Variants in WDFY3 observed in about 807,000 individuals in gnomAD.
WDFY3 encodes the protein WD repeat and FYVE domain-containing protein 3.
Under a neutral mutation model 409.6 loss-of-function variants are expected in WDFY3, and 66 were observed. That is an observed-to-expected ratio of 0.16 (90% CI 0.13 to 0.20). The LOEUF is 0.20. Among genes scored for constraint, WDFY3 ranks in the 10% least tolerant of loss-of-function variants. The pLI is 1.00. For missense variants in WDFY3, 3,031 were observed against 4,298.1 expected (o/e 0.71, Z 8.24); for synonymous variants, 1,521 against 1,537.1 (o/e 0.99, Z 0.25).
chr4:84,794,982 A>G lies in WDFY3; in HGVS notation c.3168-3T>C, dbSNP rs1440780741. On this transcript the variant is annotated splice_polypyrimidine_tract_variant and splice_region_variant and intron_variant, in intron 19 of 67. Transcript: ENST00000295888. The stretch of plus-strand genomic sequence containing the variant: ...CCAAACTGGGCAAAAAAAGACATCT[A>G]TTAAAGAAAAGACAACATACATATT... 6.5e-7 allele frequency: 1 copy of G among 1,540,602 alleles called. No homozygotes were observed. The highest frequency in any genetic ancestry group is 2.3e-5 in the East Asian group (1 of 43,440).
intron 37 of WDFY3, among the ~76,000 whole-genome samples, chr4:84,742,564 G>A (rs1240848548): frequency 6.6e-6 from 1 of 152,082 alleles, no homozygotes; most frequent in African/African-American, 2.4e-5. Flanking sequence ...CAACTCCCAG[G>A]CCATGGAACG....
intron 13 of WDFY3, among the ~76,000 whole-genome samples, chr4:84,814,171 A>G (rs1157510117): frequency 6.6e-6 from 1 of 152,172 alleles, no homozygotes; most frequent in Non-Finnish European, 1.5e-5. Flanking sequence ...GGCAATTGGG[A>G]AGAAGTAGAT....
chr4:84,774,017 GC>G (rs1338100025), intron 29 of WDFY3, among the ~76,000 whole-genome samples: 1 of 152,152 alleles, frequency 6.6e-6, no homozygotes, highest in East Asian at 1.9e-4. Context: ...ACTGCACCCG[GC>G]CCCCCAGGTT....
intron 1 of WDFY3, among the ~76,000 whole-genome samples, chr4:84,934,004 G>C (rs1206003063): frequency 5.3e-5 from 8 of 150,426 alleles, no homozygotes; most frequent in African/African-American, 2.0e-4. Flanking sequence ...ATATCTCTTT[G>C]ATACACTGAT....
rs117992498 is a variant in WDFY3 at position 84,925,905 on chromosome 4, T to C, written c.-132+6365A>G. On this transcript the variant is annotated intron_variant, in intron 2 of 67. Coordinates refer to ENST00000295888, the MANE Select transcript of WDFY3 (RefSeq NM_014991.6). ...ATTATTGAATCAAGGTTGAAGGTGT[T>C]TGGATGTTCACTGTATTATTCATTA... is the stretch of plus-strand genomic sequence containing the variant. Among the ~76,000 whole-genome samples, 119 of 152,110 alleles carry C rather than the reference T, an allele frequency of 7.8e-4. No homozygotes were observed. The East Asian group carries it at 0.023, about 29-fold the overall frequency.
chr4:84,964,000 A>G lies in WDFY3; in HGVS notation c.-226+2209T>C, dbSNP rs367567921. Reference sequence around the variant, plus strand: ...ATTTAAAAATTTTAGCTTTCCAAATATGGAATATGTATTCTTTAATTTTAT... The same window carrying G: ...ATTTAAAAATTTTAGCTTTCCAAATGTGGAATATGTATTCTTTAATTTTAT... On this transcript the variant is annotated intron_variant, in intron 1 of 67. Transcript: ENST00000295888. Among the ~76,000 whole-genome samples the G allele has an allele frequency of 3.3e-5, 5 of 152,262 alleles. No homozygotes were observed. In the East Asian group the frequency reaches 9.6e-4, roughly 29 times the overall value.
intron 36 of WDFY3, among the ~76,000 whole-genome samples, chr4:84,750,469 CAA>C (rs936425611): frequency 1.4e-5 from 2 of 139,542 alleles, no homozygotes; most frequent in Admixed American, 7.2e-5. Context: ...AGAGGGAGCA[CAA>C]AAAAAAAAAA....
intron 51 of WDFY3, among the ~76,000 whole-genome samples, chr4:84,712,957 T>C (rs936272357): frequency 2.0e-5 from 3 of 152,190 alleles, no homozygotes; most frequent in South Asian, 4.1e-4. Context: ...CAGAAGGTAA[T>C]TGATCAAAAT....
chr4:84,844,403 C>G (rs1757792253), intron 5 of WDFY3: 15 of 1,275,632 alleles, frequency 1.2e-5, no homozygotes, highest in Non-Finnish European at 7.1e-6. Flanking sequence ...CTCACAGCTT[C>G]CATGCTTCTT....
chr4:84,696,980 C>T (rs931326219), intron 56 of WDFY3, among the ~76,000 whole-genome samples, 157 bp from the exon 57 acceptor site: 2 of 152,110 alleles, frequency 1.3e-5, no homozygotes, highest in Non-Finnish European at 2.9e-5. Context: ...CTCTAGCATC[C>T]CTCAAGACTG....
chr4:84,762,755 T>C (rs1742896775), intron 32 of WDFY3, among the ~76,000 whole-genome samples: 1 of 152,156 alleles, frequency 6.6e-6, no homozygotes, highest in African/African-American at 2.4e-5. Context: ...TTGGCTTAAT[T>C]AGAATGGCTT....
In WDFY3 at chr4:84,736,257, G is replaced by C; in HGVS notation, c.6828C>G (p.Val2276=). The change falls in exon 42 of 68, where the codon GTC becomes GTG. Residue 2276 remains valine, a synonymous_variant. Transcript: ENST00000295888. The part of the protein sequence containing the change: ...APTTQSKLSR[V]SSGFGLSKLT... ...ACTTGGAAAGACCAAAGCCACTGCT[G>C]ACACGGGATAATTTGGACTGTGTGG... is the stretch of plus-strand genomic sequence containing the variant. 6.2e-7 allele frequency: 1 copy of C among 1,613,630 alleles called. No individual in the cohort carries two copies. Among genetic ancestry groups the C allele is most frequent in the Non-Finnish European group, 8.5e-7 (1 of 1,179,698 alleles).
chr4:84,837,203 T>A, intron 6 of WDFY3, 113 bp from the exon 7 acceptor site: 1 of 893,908 alleles, frequency 1.1e-6, no homozygotes, highest in South Asian at 5.0e-5. Flanking sequence ...CTTTTTAAAA[T>A]GCATGTAAGA....
At chr4:84,910,173 G>A (rs541206337) in intron 2 of WDFY3, among the ~76,000 whole-genome samples, 30 of 151,958 alleles carry the variant, frequency 2.0e-4, no homozygotes, top group Non-Finnish European at 2.5e-4. Context: ...CATTGTATTC[G>A]GTATTATAAG....
At chr4:84,912,309 A>G (rs1355314565) in intron 2 of WDFY3, among the ~76,000 whole-genome samples, 2 of 152,212 alleles carry the variant, frequency 1.3e-5, no homozygotes, top group African/African-American at 4.8e-5. Context: ...CAAATCTAGC[A>G]TTAAGGACCA....
chr4:84,848,232 AAG>A (rs1758386400), intron 5 of WDFY3, among the ~76,000 whole-genome samples: 2 of 152,000 alleles, frequency 1.3e-5, no homozygotes, highest in South Asian at 4.1e-4. Context: ...AGCAGGGACA[AAG>A]AGAGGATCCT....
At chr4:84,918,834 T>C (rs1427183367) in intron 2 of WDFY3, among the ~76,000 whole-genome samples, 1 of 150,546 alleles carries the variant, frequency 6.6e-6, no homozygotes, top group Non-Finnish European at 1.5e-5. Flanking sequence ...TATAGATATA[T>C]ATATACACAC....
chr4:84,775,289 A>T, intron 27 of WDFY3, 151 bp from the exon 28 acceptor site: 1 of 690,660 alleles, frequency 1.4e-6, no homozygotes, highest in East Asian at 2.9e-5. Flanking sequence ...GCAGAAAAAA[A>T]ATCATTATAA....
At chr4:84,891,461 C>T (rs1764939851) in intron 3 of WDFY3, among the ~76,000 whole-genome samples, 2 of 151,912 alleles carry the variant, frequency 1.3e-5, no homozygotes, top group South Asian at 4.1e-4. Flanking sequence ...TATGAGTTTA[C>T]AACTAAAAAA....
Sources: gnomAD v4.1 joint callset for allele counts (sites outside exome capture counted in the v4.1 genomes callset) on GRCh38, gnomAD v4.1.1 for gene constraint, MANE v1.5 for transcripts, NCBI Gene and HGNC (gene_info 2026-07-23, HGNC 2026-07-21) for gene names.